LUC7L3: variants seen among roughly 807,000 people sequenced by gnomAD.
LUC7L3 encodes the protein luc7-like protein 3.
Under a neutral mutation model 66.8 loss-of-function variants are expected in LUC7L3, and 6 were observed. The ratio of observed to expected loss-of-function variants is 0.09; its 90% CI spans 0.05 to 0.18. The LOEUF (loss-of-function observed/expected upper bound fraction) is 0.18, where lower values mean the gene tolerates loss of function less well. Ranked by LOEUF, LUC7L3 falls within the 10% of genes least tolerant of loss-of-function variation. The pLI is 1.00. For missense variants in LUC7L3, 341 were observed against 531.1 expected (o/e 0.64, Z 3.52); for synonymous variants, 160 against 174.7 (o/e 0.92, Z 0.66).
In LUC7L3 at chr17:50,755,048, T is replaced by C. The variant is rs1363827856; in HGVS notation, c.*4387T>C. 1 of 152,192 alleles carries C rather than the reference T, an allele frequency of 6.6e-6. No individual in the cohort carries two copies. The highest frequency in any genetic ancestry group is 1.5e-5 in the Non-Finnish European group (1 of 68,040). The allele number at this position is 152,192 out of a possible 1,614,324, so 9.4% of individuals were successfully genotyped here. ...ACAAAAAACACTTGAAGTTATTATG[T>C]ATACAATTCTGTGGGATGGGACTTC... On this transcript the variant is annotated 3_prime_UTR_variant, in exon 10 of 10. Transcript: ENST00000505658.
In LUC7L3 at chr17:50,754,795, A is replaced by G. The variant is rs1021364273; in HGVS notation, c.*4134A>G. On this transcript the variant is annotated 3_prime_UTR_variant, in exon 10 of 10. Coordinates refer to ENST00000505658, the MANE Select transcript of LUC7L3 (RefSeq NM_016424.5). ...CCTTAGGCATTCTGGTTCCTTAAAT[A>G]TAGTTAGTGTCACAGAGGATAAATA... is the stretch of plus-strand genomic sequence containing the variant. 6.6e-6 allele frequency: 1 copy of G among 152,150 alleles called. No homozygotes were observed. The highest frequency in any genetic ancestry group is 2.4e-5 in the African/African-American group (1 of 41,424). 9.4% of individuals were successfully genotyped at this position (152,150 alleles called of 1,614,324 possible).
intron 2 of LUC7L3, among the ~76,000 whole-genome samples, chr17:50,738,714 A>G (rs1398846661): frequency 1.3e-5 from 2 of 152,256 alleles, no homozygotes; most frequent in Non-Finnish European, 2.9e-5. Flanking sequence ...AACTTAGTCC[A>G]GGAACTGTAC....
intron 1 of LUC7L3, among the ~76,000 whole-genome samples, chr17:50,734,141 A>G (rs1009000897): frequency 1.3e-5 from 2 of 151,638 alleles, no homozygotes; most frequent in Non-Finnish European, 2.9e-5. Context: ...AACAATGTTT[A>G]AGTTACAAAG....
chr17:50,736,549 T>C, intron 1 of LUC7L3: 1 of 175,816 alleles, frequency 5.7e-6, no homozygotes, highest in Admixed American at 6.0e-5. Context: ...TTTAAATGAG[T>C]GTTAACTGTG....
intron 2 of LUC7L3, among the ~76,000 whole-genome samples, chr17:50,739,619 A>T (rs12947160): frequency 0.44 from 66,263 of 151,656 alleles, 14,654 homozygotes; most frequent in South Asian, 0.5. Flanking sequence ...GCGCCGCTGC[A>T]CTCCGGCCTG....
intron 9 of LUC7L3, chr17:50,748,356 A>T (rs927264082): frequency 1.3e-5 from 2 of 151,924 alleles, no homozygotes; most frequent in African/African-American, 4.8e-5. Flanking sequence ...TCTCAGTGTC[A>T]CCCAGGCTGA....
At chr17:50,726,949 C>T (rs910777935) in intron 1 of LUC7L3, among the ~76,000 whole-genome samples, 3 of 151,916 alleles carry the variant, frequency 2.0e-5, no homozygotes, top group African/African-American at 4.8e-5. Context: ...ATTAGCCAGG[C>T]GTTGTGGCCG....
chr17:50,743,309 C>T (rs1203630391), intron 5 of LUC7L3, among the ~76,000 whole-genome samples: 2 of 152,048 alleles, frequency 1.3e-5, no homozygotes, highest in African/African-American at 4.8e-5. Context: ...AGCAATTCTT[C>T]TGCCTCAGTC....
intron 5 of LUC7L3, 76 bp downstream of exon 5, chr17:50,741,807 A>G (rs1970363975): frequency 8.8e-7 from 1 of 1,130,860 alleles, no homozygotes; most frequent in Non-Finnish European, 1.3e-6. Flanking sequence ...AGGATGGGCC[A>G]GGCATGGTAA....
At chr17:50,748,513 G>A (rs376820569) in intron 9 of LUC7L3, 1 of 151,682 alleles carries the variant, frequency 6.6e-6, no homozygotes, top group East Asian at 1.9e-4. Flanking sequence ...GGGTAGAGAT[G>A]GGGTTTTGCC....
Position 50,755,031 on chromosome 17 carries a change from C to T in LUC7L3, c.*4370C>T, listed in dbSNP as rs753998678. 5 of 152,058 alleles carry T rather than the reference C, an allele frequency of 3.3e-5. No individual in the cohort carries two copies. Among genetic ancestry groups the T allele is most frequent in the Non-Finnish European group, 5.9e-5 (4 of 68,020 alleles). The allele number at this position is 152,058 out of a possible 1,614,324, so 9.4% of individuals were successfully genotyped here. A position where few individuals can be genotyped will look rare whatever the true frequency, so the allele number is the denominator to read the frequency against. On this transcript the variant is annotated 3_prime_UTR_variant, in exon 10 of 10. Transcript: ENST00000505658. ...TCTGATATGTGCATGAAACAAAAAA[C>T]ACTTGAAGTTATTATGTATACAATT...
At chr17:50,733,408 T>TTG in intron 1 of LUC7L3, among the ~76,000 whole-genome samples, 1 of 145,658 alleles carries the variant, frequency 6.9e-6, no homozygotes, top group Non-Finnish European at 1.5e-5. Flanking sequence ...GTTTTTTTTT[T>TTG]TTTTTTTTTT....
intron 7 of LUC7L3, 132 bp downstream of exon 7, chr17:50,744,945 G>A (rs56187362): frequency 0.11 from 69,751 of 660,222 alleles, 3,923 homozygotes; most frequent in Non-Finnish European, 0.11. Context: ...CTGAGTAGCT[G>A]GGAGTACAGG....
chr17:50,740,999 G>A (rs1970315656), intron 3 of LUC7L3, 103 bp from the exon 4 acceptor site: 4 of 1,117,840 alleles, frequency 3.6e-6, no homozygotes, highest in Admixed American at 3.5e-5. Context: ...GGTTTACCCT[G>A]CAGCCTAAAT....
chr17:50,738,092 C>A, intron 2 of LUC7L3: 1 of 448,040 alleles, frequency 2.2e-6, no homozygotes, highest in Non-Finnish European at 4.5e-6. Context: ...TGGGGCTCTC[C>A]TCTGCCCTGT....
At chr17:50,742,934 C>T (rs529034497) in intron 5 of LUC7L3, among the ~76,000 whole-genome samples, 1 of 152,134 alleles carries the variant, frequency 6.6e-6, no homozygotes, top group Non-Finnish European at 1.5e-5. Context: ...ATGGGTGGAT[C>T]TTAAAATAAT....
chr17:50,721,043 C>T (rs575097678), intron 1 of LUC7L3, among the ~76,000 whole-genome samples: 1 of 151,818 alleles, frequency 6.6e-6, no homozygotes, highest in South Asian at 2.1e-4. Flanking sequence ...TAAGGAACTG[C>T]TTACCTTGAC....
At chr17:50,741,485 G>C (rs1298007796) in intron 4 of LUC7L3, among the ~76,000 whole-genome samples, 172 bp from the exon 5 acceptor site, 2 of 152,004 alleles carry the variant, frequency 1.3e-5, no homozygotes, top group African/African-American at 4.8e-5. Context: ...CCCTTAAATA[G>C]TAGTAACTGA....
At chr17:50,746,057 A>G (rs538930647) in intron 8 of LUC7L3, 54 bp downstream of exon 8, 3 of 1,525,556 alleles carry the variant, frequency 2.0e-6, no homozygotes, top group African/African-American at 2.8e-5. Context: ...TGCAATAACA[A>G]TAATAACTAC....
Sources: gnomAD v4.1 joint callset for allele counts (sites outside exome capture counted in the v4.1 genomes callset) on GRCh38, gnomAD v4.1.1 for gene constraint, MANE v1.5 for transcripts, NCBI Gene and HGNC (gene_info 2026-07-23, HGNC 2026-07-21) for gene names.